ANXA2: variants seen among roughly 807,000 people sequenced by gnomAD.
ANXA2 encodes the protein annexin II.
A neutral mutation model predicts 47.3 loss-of-function variants in ANXA2; 28 were observed. That is an observed-to-expected ratio of 0.59 (90% CI 0.44 to 0.81). The LOEUF (loss-of-function observed/expected upper bound fraction) is 0.81, where lower values mean the gene tolerates loss of function less well. Ranked by LOEUF, ANXA2 falls within the 40% of genes least tolerant of loss-of-function variation. ANXA2 has a pLI of 0.00. For synonymous variants in ANXA2, 172 were observed against 155.5 expected (o/e 1.11, Z -0.79); for missense variants, 384 against 414.3 (o/e 0.93, Z 0.64).
chr15:60,390,354 A>G (rs777368141), intron 1 of ANXA2: 23 of 812,144 alleles, frequency 2.8e-5, no homozygotes, highest in Non-Finnish European at 3.9e-5. Context: ...TCCCATGCCG[A>G]TAGCATTCCG....
At chr15:60,386,195 T>C (rs778062508) in intron 1 of ANXA2, 109 bp from the exon 2 acceptor site, 1 of 754,950 alleles carries the variant, frequency 1.3e-6, no homozygotes, top group Non-Finnish European at 2.2e-6. Flanking sequence ...CATCTGACGA[T>C]ATTGGAGTAG....
intron 3 of ANXA2, among the ~76,000 whole-genome samples, chr15:60,381,394 A>T (rs2062856049): frequency 6.6e-6 from 1 of 152,198 alleles, no homozygotes; most frequent in African/African-American, 2.4e-5. Context: ...GGAGAATCAC[A>T]AAAGTCACCA....
chr15:60,386,556 A>T (rs1294014106), intron 1 of ANXA2: 1 of 153,550 alleles, frequency 6.5e-6, no homozygotes, highest in African/African-American at 2.4e-5. Context: ...CTAATTCTTA[A>T]TTGGAATCTT....
In ANXA2 at chr15:60,356,916, C is replaced by G. The variant is rs148344572; in HGVS notation, c.448+230G>C. 6.0e-3 allele frequency among the ~76,000 whole-genome samples: 917 copies of G among 152,300 alleles called. 13 individuals carry two copies. Among genetic ancestry groups the G allele is most frequent in the African/African-American group, 0.021 (889 of 41,564 alleles). The stretch of plus-strand genomic sequence containing the variant: ...TTCTCTCCTTTCCCTCCTGTCTACC[C>G]TTCTTCTAACACAGAAGTTCTAGTG... On this transcript the variant is annotated intron_variant, in intron 6 of 12. Transcript: ENST00000451270.
chr15:60,397,210 T>C (rs2063092045), intron 1 of ANXA2: 1 of 928,350 alleles, frequency 1.1e-6, no homozygotes, highest in African/African-American at 1.8e-5. Context: ...TGTCACATCA[T>C]GGCGAGTAAC....
At chr15:60,348,961 C>T (rs1432931765) in intron 12 of ANXA2, 114 bp downstream of exon 12, 3 of 1,268,056 alleles carry the variant, frequency 2.4e-6, no homozygotes, top group African/African-American at 3.0e-5. Flanking sequence ...CATCTCTTCC[C>T]CAGAGAGTCA....
chr15:60,368,307 A>AT (rs1406844141), intron 3 of ANXA2, among the ~76,000 whole-genome samples: 127 of 42,050 alleles, frequency 3.0e-3, no homozygotes, highest in African/African-American at 8.0e-3. Flanking sequence ...AGAATGATCA[A>AT]TAAAAAAAAA....
rs1041944945 is a variant in ANXA2, at chr15:60,365,126, C to T, written c.149-603G>A. Among the ~76,000 whole-genome samples the T allele has an allele frequency of 8.7e-5, 13 of 150,144 alleles. 1 individual carries two copies. The highest frequency in any genetic ancestry group is 1.3e-4 in the Admixed American group (2 of 14,838). On this transcript the variant is annotated intron_variant, in intron 3 of 12. Transcript: ENST00000451270. ...AAAATTGTTTTGTAAGGAAAATAAA[C>T]GTTCCACTGCCTTTAATCTTCAATA...
intron 4 of ANXA2, among the ~76,000 whole-genome samples, chr15:60,361,893 GTTC>G (rs1240995021): frequency 2.7e-5 from 4 of 150,622 alleles, no homozygotes; most frequent in East Asian, 1.9e-4. Flanking sequence ...CTGAAATAAT[GTTC>G]TTCTTTTCGC....
At chr15:60,367,852 A>G (rs7178165) in intron 3 of ANXA2, among the ~76,000 whole-genome samples, 1,681 of 16,002 alleles carry the variant, frequency 0.11, 423 homozygotes, top group Admixed American at 0.18. Flanking sequence ...TGACAATGGC[A>G]GTTTTGTGGA....
chr15:60,380,543 C>G (rs942666231), intron 3 of ANXA2, among the ~76,000 whole-genome samples: 3 of 150,258 alleles, frequency 2.0e-5, no homozygotes, highest in African/African-American at 7.3e-5. Flanking sequence ...ACGGCTCATA[C>G]CTGTACTCCC....
intron 1 of ANXA2, chr15:60,390,652 C>A (rs1282788636): frequency 7.7e-6 from 2 of 258,970 alleles, no homozygotes; most frequent in South Asian, 5.0e-5. Context: ...GAGGAGATAA[C>A]AAAAGAAAGG....
In ANXA2 at chr15:60,356,147, G is replaced by C; in HGVS notation, c.449-149C>G. ...TCTCCTTAACCCCAAACAGAGGAAG[G>C]ATTCACTAGAATGATTTTCGCCCTC... On this transcript the variant is annotated intron_variant, in intron 6 of 12. Transcript: ENST00000451270. The C allele has an allele frequency of 1.1e-5, 7 of 627,486 alleles. No individual in the cohort carries two copies. The South Asian group carries it at 1.2e-4, about 11-fold the overall frequency. The allele number at this position is 627,486 out of a possible 1,614,324, so 38.9% of individuals were successfully genotyped here. A position where few individuals can be genotyped will look rare whatever the true frequency, so the allele number is the denominator to read the frequency against.
At chr15:60,396,623 G>A (rs1644234003) in intron 1 of ANXA2, among the ~76,000 whole-genome samples, 2 of 152,182 alleles carry the variant, frequency 1.3e-5, no homozygotes, top group African/African-American at 4.8e-5. Flanking sequence ...TAATCAGGCA[G>A]TGCATGTTAA....
chr15:60,374,476 A>T (rs944141634), intron 3 of ANXA2: 10 of 455,986 alleles, frequency 2.2e-5, no homozygotes, highest in Non-Finnish European at 4.4e-5. Context: ...TTTTCTTGGC[A>T]TTGCTGACAC....
At chr15:60,357,967 C>T (rs908676702) in intron 5 of ANXA2, among the ~76,000 whole-genome samples, 2 of 152,150 alleles carry the variant, frequency 1.3e-5, no homozygotes, top group African/African-American at 4.8e-5. Context: ...CTTTGTTAAA[C>T]AATTCTCGCT....
chr15:60,380,762 C>T (rs975396902), intron 3 of ANXA2, among the ~76,000 whole-genome samples: 1 of 147,032 alleles, frequency 6.8e-6, no homozygotes, highest in Non-Finnish European at 1.5e-5. Context: ...TGAGATGATG[C>T]CCTTGCACTC....
At chr15:60,362,649 C>T (rs1033267367) in intron 4 of ANXA2, 2 of 152,156 alleles carry the variant, frequency 1.3e-5, no homozygotes, top group African/African-American at 4.8e-5. Flanking sequence ...ATTTCACAAA[C>T]AGCCGATTGT....
chr15:60,351,833 A>G lies in ANXA2; in HGVS notation c.683-14T>C. The G allele has an allele frequency of 6.4e-7, 1 of 1,562,948 alleles. No homozygotes were observed. The highest frequency in any genetic ancestry group is 8.8e-7 in the Non-Finnish European group (1 of 1,133,834). On this transcript the variant is annotated splice_polypyrimidine_tract_variant and intron_variant, in intron 9 of 12. Transcript: ENST00000451270. ...ACCTATCAAATACTGAGGAAAAACA[A>G]CAAAGAGTTATCAGATCCGAGCCAC...
Sources: gnomAD v4.1 joint callset for allele counts (sites outside exome capture counted in the v4.1 genomes callset) on GRCh38, gnomAD v4.1.1 for gene constraint, MANE v1.5 for transcripts, NCBI Gene and HGNC (gene_info 2026-07-23, HGNC 2026-07-21) for gene names.